CNTNAP2: variants seen among roughly 807,000 people sequenced by gnomAD.
CNTNAP2 encodes the protein contactin-associated protein-like 2.
Under a neutral mutation model 155.2 loss-of-function variants are expected in CNTNAP2, and 98 were observed. That is an observed-to-expected ratio of 0.63 (90% CI 0.54 to 0.75). CNTNAP2 has a LOEUF of 0.75. Ranked by LOEUF, CNTNAP2 falls within the 30% of genes least tolerant of loss-of-function variation. The pLI is 0.00. For missense variants in CNTNAP2, 1,727 were observed against 1,688.1 expected, an observed-to-expected ratio of 1.02 and a Z score of -0.40; for synonymous variants, 651 against 631.2, an observed-to-expected ratio of 1.03 and a Z score of -0.47.
intron 3 of CNTNAP2, among the ~76,000 whole-genome samples, chr7:146,864,879 T>TGGTCCCAGCTCAAGA (rs1173062845): frequency 6.6e-6 from 1 of 150,964 alleles, no homozygotes; most frequent in Non-Finnish European, 1.5e-5. Flanking sequence ...CCAGCTCAAG[T>TGGTCCCAGCTCAAGA]GGTCCCAGCT....
intron 12 of CNTNAP2, among the ~76,000 whole-genome samples, chr7:147,636,056 T>G (rs2116918132): frequency 6.6e-6 from 1 of 152,318 alleles, no homozygotes; most frequent in African/African-American, 2.4e-5. Flanking sequence ...GACAAACAGT[T>G]TATCATCAGA....
intron 14 of CNTNAP2, among the ~76,000 whole-genome samples, chr7:147,973,643 G>T (rs143306628): frequency 6.6e-6 from 1 of 152,232 alleles, no homozygotes; most frequent in Non-Finnish European, 1.5e-5. Context: ...CAATATTTCA[G>T]CCTAGCTAAA....
At chr7:148,255,672 GATTAC>G (rs1309308227) in intron 20 of CNTNAP2, among the ~76,000 whole-genome samples, 4 of 152,200 alleles carry the variant, frequency 2.6e-5, no homozygotes, top group Admixed American at 1.3e-4. Context: ...ATATTTTACT[GATTAC>G]ATTACCATAA....
chr7:146,864,021 T>G (rs565723105), intron 3 of CNTNAP2, among the ~76,000 whole-genome samples: 10 of 152,250 alleles, frequency 6.6e-5, no homozygotes, highest in Non-Finnish European at 1.3e-4. Flanking sequence ...ATTAAAATGC[T>G]CTAAGTAACC....
chr7:146,629,521 T>A (rs1799476214), intron 1 of CNTNAP2, among the ~76,000 whole-genome samples: 1 of 152,174 alleles, frequency 6.6e-6, no homozygotes, highest in African/African-American at 2.4e-5. Context: ...TGCCACTATA[T>A]AAAATCTTCT....
rs1052063384 is a variant in CNTNAP2 at position 146,407,095 on chromosome 7, G to A, written c.97+290122G>A. ...CGGCAGAGGACATCAGTAATGTGAA[G>A]AAGGCTATAGAAAGAAGCAACAGTA... On this transcript the variant is annotated intron_variant, in intron 1 of 23. Transcript: ENST00000361727. Among the ~76,000 whole-genome samples, 6 of 152,316 alleles carry A rather than the reference G, an allele frequency of 3.9e-5. No individual in the cohort carries two copies. The South Asian group carries it at 1.2e-3, about 32-fold the overall frequency.
At chr7:148,090,056 A>G (rs928780570) in intron 15 of CNTNAP2, among the ~76,000 whole-genome samples, 2 of 152,014 alleles carry the variant, frequency 1.3e-5, no homozygotes, top group South Asian at 2.1e-4. Flanking sequence ...ATCCATACAT[A>G]GAAGTGTGAA....
At chr7:147,582,083 A>T (rs10237202) in intron 12 of CNTNAP2, among the ~76,000 whole-genome samples, 10 of 151,914 alleles carry the variant, frequency 6.6e-5, no homozygotes, top group Non-Finnish European at 1.5e-4. Context: ...AAGAATTTTC[A>T]TAATAGCCTC....
Position 146,887,215 on chromosome 7 carries a change from T to A in CNTNAP2, c.402+47311T>A, listed in dbSNP as rs951807212. 6.8e-4 allele frequency among the ~76,000 whole-genome samples: 103 copies of A among 152,086 alleles called. 7 individuals carry two copies. Among genetic ancestry groups the A allele is most frequent in the Non-Finnish European group, 1.5e-5 (1 of 68,018 alleles). On this transcript the variant is annotated intron_variant, in intron 3 of 23. Transcript: ENST00000361727. ...CCCAGGCTGGAGTACAATGGCGCGA[T>A]CTTGGCTCACTGCAAACTCGCCTCC...
intron 1 of CNTNAP2, among the ~76,000 whole-genome samples, chr7:146,218,272 G>A (rs1799147565): frequency 6.6e-6 from 1 of 152,186 alleles, no homozygotes; most frequent in Admixed American, 6.5e-5. Flanking sequence ...CACTTTGGGA[G>A]GCCGAGGCGG....
rs796537556 is a variant in CNTNAP2, at chr7:148,042,593, T to A, written c.2383+64604T>A. On this transcript the variant is annotated intron_variant, in intron 15 of 23. Transcript: ENST00000361727. ...TCTACCCTCTGTTGTTTTTCCTCTC[T>A]GTTTTGTTCCCATTTGTAAGATCTC... is the stretch of plus-strand genomic sequence containing the variant. Among the ~76,000 whole-genome samples, 5 of 152,318 alleles carry A rather than the reference T, an allele frequency of 3.3e-5. 1 individual carries two copies. The highest frequency in any genetic ancestry group is 1.2e-4 in the African/African-American group (5 of 41,586).
intron 3 of CNTNAP2, among the ~76,000 whole-genome samples, chr7:146,841,467 C>G (rs12334041): frequency 6.6e-6 from 1 of 151,910 alleles, no homozygotes; most frequent in African/African-American, 2.4e-5. Context: ...GATCACAGAC[C>G]CTTCTAACAC....
At chr7:146,270,561 AAAG>A (rs769698398) in intron 1 of CNTNAP2, among the ~76,000 whole-genome samples, 28 of 152,266 alleles carry the variant, frequency 1.8e-4, no homozygotes, top group South Asian at 4.1e-4. Flanking sequence ...ATACAGAAGA[AAAG>A]AAGATAACTT....
intron 13 of CNTNAP2, among the ~76,000 whole-genome samples, chr7:147,826,953 C>A (rs191503316): frequency 1.3e-4 from 17 of 127,620 alleles, no homozygotes; most frequent in Non-Finnish European, 2.2e-4. Context: ...TTTTTTGAGA[C>A]GGAGTCTTGC....
chr7:146,163,564 T>A (rs895735148), intron 1 of CNTNAP2, among the ~76,000 whole-genome samples: 6 of 130,034 alleles, frequency 4.6e-5, no homozygotes, highest in African/African-American at 1.9e-4. Context: ...TATCTATATC[T>A]ATCTATATCT....
chr7:148,320,611 T>A (rs71534746), intron 21 of CNTNAP2, among the ~76,000 whole-genome samples: 49,236 of 151,602 alleles, frequency 0.32, 8,709 homozygotes, highest in East Asian at 0.48. Flanking sequence ...CTCAAACTCC[T>A]GACCTCAGGT....
chr7:147,564,923 G>A (rs1800139577), intron 12 of CNTNAP2, among the ~76,000 whole-genome samples: 1 of 152,136 alleles, frequency 6.6e-6, no homozygotes, highest in African/African-American at 2.4e-5. Flanking sequence ...CAGGCCAGCA[G>A]GCACCTTTCA....
intron 8 of CNTNAP2, among the ~76,000 whole-genome samples, chr7:147,225,878 A>G (rs753848567): frequency 3.9e-4 from 44 of 111,622 alleles, no homozygotes; most frequent in African/African-American, 4.8e-4. Flanking sequence ...AAGGAGGGAA[A>G]GAAGGAAGGA....
chr7:148,228,279 G>A (rs138745437), intron 19 of CNTNAP2, among the ~76,000 whole-genome samples: 460 of 152,134 alleles, frequency 3.0e-3, no homozygotes, highest in Non-Finnish European at 5.3e-3. Context: ...ATTTATGCTT[G>A]CAGATTAACT....
Sources: gnomAD v4.1 joint callset for allele counts (sites outside exome capture counted in the v4.1 genomes callset) on GRCh38, gnomAD v4.1.1 for gene constraint, MANE v1.5 for transcripts, NCBI Gene and HGNC (gene_info 2026-07-23, HGNC 2026-07-21) for gene names.